The following GABRA3 variants were observed in gnomAD, a reference collection of about 807,000 sequenced individuals.
GABRA3 encodes gamma-aminobutyric acid receptor subunit alpha-3.
In GABRA3, 10 loss-of-function variants were observed where a neutral mutation model predicts 30.1. The ratio of observed to expected loss-of-function variants is 0.33; its 90% CI spans 0.20 to 0.56. The LOEUF (loss-of-function observed/expected upper bound fraction) is 0.56, where lower values mean the gene tolerates loss of function less well. Among genes scored for constraint, GABRA3 ranks in the 20% least tolerant of loss-of-function variants. The pLI is 0.89. For missense variants in GABRA3, 233 were observed against 392.0 expected (o/e 0.59, Z 3.42); for synonymous variants, 151 against 146.8 (o/e 1.03, Z -0.21).
chrX:152,232,626 T>C (rs1938105280), intron 5 of GABRA3, among the ~76,000 whole-genome samples: 1 of 89,453 alleles, frequency 1.1e-5, no homozygotes, highest in African/African-American at 6.2e-5. Flanking sequence ...TGTTCTATTG[T>C]GTGTGTGTGT....
At chrX:152,222,051 C>T (rs771614446) in intron 6 of GABRA3, among the ~76,000 whole-genome samples, 2 of 111,437 alleles carry the variant, frequency 1.8e-5, no homozygotes, top group South Asian at 7.5e-4. Context: ...GACAAGATCT[C>T]GTTCTTTTTT....
chrX:152,183,724 C>T (rs1312575478), intron 9 of GABRA3, among the ~76,000 whole-genome samples: 1 of 111,218 alleles, frequency 9.0e-6, no homozygotes, highest in African/African-American at 3.3e-5. Flanking sequence ...ACTGCTTTGG[C>T]TGCAACTCAT....
chrX:152,236,611 A>T (rs1399582492), intron 5 of GABRA3, among the ~76,000 whole-genome samples: 1 of 106,313 alleles, frequency 9.4e-6, no homozygotes, highest in Non-Finnish European at 1.9e-5. Context: ...AGTCCCACCA[A>T]CAGTGTAAAA....
chrX:152,404,484 A>G (rs1400579305), intron 1 of GABRA3, among the ~76,000 whole-genome samples: 1 of 110,765 alleles, frequency 9.0e-6, no homozygotes, highest in Non-Finnish European at 1.9e-5. Context: ...CAAGAAAGGG[A>G]CATCCCAGAA....
intron 1 of GABRA3, among the ~76,000 whole-genome samples, chrX:152,418,069 T>C (rs1930280633): frequency 9.0e-6 from 1 of 110,728 alleles, no homozygotes; most frequent in African/African-American, 3.3e-5. Context: ...AAAATAGATA[T>C]TATAGAATTA....
At chrX:152,329,113 G>A (rs5969893) in intron 3 of GABRA3, among the ~76,000 whole-genome samples, 23,363 of 110,526 alleles carry the variant, frequency 0.21, 2,279 homozygotes, top group African/African-American at 0.38. Context: ...CAAAGAGAAT[G>A]AAATATCTAG....
intron 1 of GABRA3, among the ~76,000 whole-genome samples, chrX:152,432,240 A>G (rs1004707680): frequency 8.9e-6 from 1 of 111,873 alleles, no homozygotes; most frequent in Non-Finnish European, 1.9e-5. Context: ...ATTAAGATGG[A>G]TCAGTATATG....
intron 1 of GABRA3, among the ~76,000 whole-genome samples, chrX:152,386,908 C>T (rs1424257135): frequency 1.9e-5 from 2 of 106,204 alleles, no homozygotes; most frequent in African/African-American, 6.9e-5. Flanking sequence ...AAATGTCCAA[C>T]AATGATAGAC....
chrX:152,284,878 A>G (rs775854739), intron 3 of GABRA3, 143 bp from the exon 4 acceptor site: 10 of 340,669 alleles, frequency 2.9e-5, no homozygotes, highest in Non-Finnish European at 5.3e-5. Flanking sequence ...CATCTGTGCT[A>G]TCTCTTCACA....
intron 6 of GABRA3, among the ~76,000 whole-genome samples, 200 bp from the exon 7 acceptor site, chrX:152,208,344 A>G (rs2124366398): frequency 8.9e-6 from 1 of 112,395 alleles, no homozygotes; most frequent in Non-Finnish European, 1.9e-5. Context: ...CAGCTACTGT[A>G]GTATATGCTG....
chrX:152,373,360 C>T (rs1409081957), intron 1 of GABRA3, among the ~76,000 whole-genome samples: 1 of 111,429 alleles, frequency 9.0e-6, no homozygotes, highest in African/African-American at 3.3e-5. Flanking sequence ...GTGTATGTAT[C>T]TTTATAATAA....
intron 1 of GABRA3, among the ~76,000 whole-genome samples, chrX:152,411,261 G>C (rs1228248155): frequency 4.5e-5 from 5 of 111,397 alleles, no homozygotes; most frequent in African/African-American, 1.6e-4. Flanking sequence ...GCTGCAGTGA[G>C]CCATGATCGT....
At chrX:152,429,771 G>T (rs946739581) in intron 1 of GABRA3, among the ~76,000 whole-genome samples, 3 of 111,534 alleles carry the variant, frequency 2.7e-5, no homozygotes, top group African/African-American at 9.8e-5. Context: ...GGTAACCATT[G>T]CCACTCACCT....
intron 3 of GABRA3, among the ~76,000 whole-genome samples, chrX:152,328,400 G>A (rs1042741404): frequency 1.1e-4 from 12 of 111,040 alleles, no homozygotes; most frequent in South Asian, 3.8e-4. Flanking sequence ...CAACAAAAAA[G>A]GAGAATTTTA....
chrX:152,351,847 T>C (rs1422671255), intron 2 of GABRA3, among the ~76,000 whole-genome samples: 1 of 111,094 alleles, frequency 9.0e-6, no homozygotes, highest in Non-Finnish European at 1.9e-5. Flanking sequence ...TATATAGGGC[T>C]ACTAATTGGC....
chrX:152,346,996 AC>A (rs1310094478), intron 2 of GABRA3, among the ~76,000 whole-genome samples: 26 of 112,042 alleles, frequency 2.3e-4, no homozygotes, highest in African/African-American at 8.4e-4. Context: ...CTGGGTATAT[AC>A]CCCAAAGAAA....
chrX:152,214,881 T>C (rs181615832), intron 6 of GABRA3, among the ~76,000 whole-genome samples: 1 of 109,674 alleles, frequency 9.1e-6, no homozygotes, highest in Admixed American at 9.8e-5. Context: ...ACTATTGGCA[T>C]ATAGAAATGG....
intron 4 of GABRA3, among the ~76,000 whole-genome samples, chrX:152,269,643 T>C (rs982291080): frequency 1.8e-5 from 2 of 111,831 alleles, no homozygotes; most frequent in Admixed American, 1.9e-4. Context: ...TAAACAGAGA[T>C]ACATAGACTA....
chrX:152,298,860 A>G (rs906332659), intron 3 of GABRA3, among the ~76,000 whole-genome samples: 1 of 111,782 alleles, frequency 8.9e-6, no homozygotes, highest in Non-Finnish European at 1.9e-5. Context: ...AAGTGTTCCT[A>G]TTTCTCCACA....
Sources: allele counts gnomAD v4.1 joint callset (sites outside exome capture counted in the v4.1 genomes callset), GRCh38; gene constraint gnomAD v4.1.1; transcripts MANE v1.5; gene names NCBI Gene and HGNC (gene_info 2026-07-23, HGNC 2026-07-21).